XRRA1: variants seen among roughly 807,000 people sequenced by gnomAD.
XRRA1 encodes the protein X-ray radiation resistance-associated protein 1.
In XRRA1, 69 loss-of-function variants were observed where a neutral mutation model predicts 80.2. That is an observed-to-expected ratio of 0.86 (90% CI 0.71 to 1.05). The LOEUF is 1.05. Ranked by LOEUF, XRRA1 falls within the 50% of genes least tolerant of loss-of-function variation. The pLI is 0.00. For synonymous variants in XRRA1, 348 were observed against 389.9 expected, an observed-to-expected ratio of 0.89 and a Z score of 1.27; for missense variants, 967 against 976.4, an observed-to-expected ratio of 0.99 and a Z score of 0.13.
At chr11:74,922,278 A>AG (rs1941066027) in intron 7 of XRRA1, among the ~76,000 whole-genome samples, 1 of 150,284 alleles carries the variant, frequency 6.7e-6, no homozygotes, top group Non-Finnish European at 1.5e-5. Context: ...AAAAAAAAAA[A>AG]GACAAAAGAA....
intron 10 of XRRA1, among the ~76,000 whole-genome samples, chr11:74,877,327 C>T (rs374915140): frequency 3.9e-5 from 6 of 152,186 alleles, no homozygotes; most frequent in African/African-American, 1.4e-4. Flanking sequence ...TTTTATATTA[C>T]ACTTCTGGTA....
chr11:74,948,709 G>A lies in XRRA1; in HGVS notation c.-73+219C>T, dbSNP rs544942564. ...AGAGGATGGCTGGAAGTGCACATAG[G>A]ATACTGCCTGGCAGACTGTAGGCAC... is the stretch of plus-strand genomic sequence containing the variant. On this transcript the variant is annotated intron_variant, in intron 1 of 18. Transcript: ENST00000684022. 2.6e-5 allele frequency among the ~76,000 whole-genome samples: 4 copies of A among 152,294 alleles called. No individual in the cohort carries two copies. In the South Asian group the frequency reaches 6.2e-4, roughly 24 times the overall value.
chr11:74,864,167 T>G (rs986783375), intron 10 of XRRA1: 1 of 152,198 alleles, frequency 6.6e-6, no homozygotes, highest in South Asian at 2.1e-4. Context: ...TAGTATCCTC[T>G]GAGAAATTCA....
At chr11:74,849,207 T>C (rs909242001) in intron 14 of XRRA1, among the ~76,000 whole-genome samples, 1 of 152,142 alleles carries the variant, frequency 6.6e-6, no homozygotes, top group African/African-American at 2.4e-5. Flanking sequence ...ATCTGTACTT[T>C]TACTGAGAGA....
chr11:74,917,563 A>G (rs144488669), intron 8 of XRRA1, among the ~76,000 whole-genome samples: 11 of 152,318 alleles, frequency 7.2e-5, no homozygotes, highest in African/African-American at 2.6e-4. Flanking sequence ...TGATTTATCT[A>G]CTATACCAAT....
chr11:74,862,561 T>C (rs539620873), intron 11 of XRRA1, among the ~76,000 whole-genome samples: 58 of 152,388 alleles, frequency 3.8e-4, no homozygotes, highest in African/African-American at 1.4e-3. Context: ...CATCAACGAT[T>C]AGGTCCTGGA....
chr11:74,852,169 A>T, intron 12 of XRRA1, 87 bp from the exon 13 acceptor site: 1 of 1,112,088 alleles, frequency 9.0e-7, no homozygotes, highest in Non-Finnish European at 1.4e-6. Context: ...GCAGGGCTAC[A>T]TGCTTGCTAG....
chr11:74,874,651 A>G (rs1213346754), intron 10 of XRRA1, among the ~76,000 whole-genome samples: 3 of 152,358 alleles, frequency 2.0e-5, no homozygotes, highest in South Asian at 4.1e-4. Flanking sequence ...TGGCTAACAG[A>G]AAGCTGACTC....
intron 8 of XRRA1, chr11:74,913,511 C>T (rs760573940): frequency 1.3e-5 from 2 of 150,692 alleles, no homozygotes; most frequent in Admixed American, 6.6e-5. Flanking sequence ...AGCAAATCAA[C>T]CAAGCCCCTG....
chr11:74,867,031 C>T (rs536950972), intron 10 of XRRA1, among the ~76,000 whole-genome samples: 1 of 152,148 alleles, frequency 6.6e-6, no homozygotes, highest in Non-Finnish European at 1.5e-5. Flanking sequence ...CTTCCACTGC[C>T]ACTGCCAGCA....
chr11:74,908,956 G>A (rs2055249251), intron 8 of XRRA1, among the ~76,000 whole-genome samples: 1 of 152,206 alleles, frequency 6.6e-6, no homozygotes, highest in Non-Finnish European at 1.5e-5. Flanking sequence ...GTCACAGAGA[G>A]GAGGAGGTGT....
At chr11:74,946,852 C>T (rs995270188) in intron 1 of XRRA1, among the ~76,000 whole-genome samples, 5 of 152,078 alleles carry the variant, frequency 3.3e-5, no homozygotes, top group Middle Eastern at 6.8e-3. Flanking sequence ...CCCGGGCTCA[C>T]GCCATTCTCC....
At chr11:74,897,718 A>G (rs939829806) in intron 10 of XRRA1, among the ~76,000 whole-genome samples, 45 of 150,912 alleles carry the variant, frequency 3.0e-4, no homozygotes, top group African/African-American at 1.1e-3. Context: ...AAAAAAAAAA[A>G]AAAAGAAAAA....
intron 2 of XRRA1, among the ~76,000 whole-genome samples, chr11:74,943,527 GTGTGTGT>G (rs1946811780): frequency 1.6e-4 from 7 of 44,866 alleles, no homozygotes; most frequent in South Asian, 8.1e-4. Flanking sequence ...GTAGGAGGGT[GTGTGTGT>G]GTGTGTGTGT....
intron 10 of XRRA1, among the ~76,000 whole-genome samples, chr11:74,902,358 A>G (rs1367964799): frequency 6.6e-6 from 1 of 152,210 alleles, no homozygotes; most frequent in African/African-American, 2.4e-5. Flanking sequence ...ACAGTTTGGA[A>G]GTTCCTCACA....
chr11:74,939,843 TAGAGAGAG>T (rs34445753), intron 3 of XRRA1, among the ~76,000 whole-genome samples: 2 of 144,752 alleles, frequency 1.4e-5, no homozygotes. Context: ...GAGAGTGACA[TAGAGAGAG>T]AGAGAGAGAG....
chr11:74,846,919 ATT>A (rs750070156), intron 15 of XRRA1, among the ~76,000 whole-genome samples: 1 of 140,336 alleles, frequency 7.1e-6, no homozygotes, highest in African/African-American at 2.6e-5. Context: ...AAAAAAAAAG[ATT>A]TTTTTTTTTT....
chr11:74,907,140 T>C lies in XRRA1; in HGVS notation c.785+5A>G, dbSNP rs778337988. ...GGCCCAGCAGAGAAAGGCTTATGGC[T>C]TTACCTCCTGAGCCCAGCCAGGCTG... On this transcript the variant is annotated splice_donor_5th_base_variant and intron_variant, in intron 9 of 18. Transcript: ENST00000684022. The C allele has an allele frequency of 2.5e-6, 4 of 1,613,362 alleles. No homozygotes were observed. In the East Asian group the frequency reaches 8.9e-5, roughly 36 times the overall value.
rs1385367838 is a variant in XRRA1 at position 74,845,061 on chromosome 11, G to A, written c.1927+12C>T. On this transcript the variant is annotated intron_variant, in intron 16 of 18. Transcript: ENST00000684022. ...GCCTCTTGCCCTAGAGCAAGGATATGCCCTCACATACCCTTTGGCTCAATG... is the reference window on the plus strand; with the variant it reads ...GCCTCTTGCCCTAGAGCAAGGATATACCCTCACATACCCTTTGGCTCAATG... 1 of 1,612,326 alleles carries A rather than the reference G, an allele frequency of 6.2e-7. No homozygotes were observed. Among genetic ancestry groups the A allele is most frequent in the Non-Finnish European group, 8.5e-7 (1 of 1,179,470 alleles).
Sources: gnomAD v4.1 joint callset for allele counts (sites outside exome capture counted in the v4.1 genomes callset) on GRCh38, gnomAD v4.1.1 for gene constraint, MANE v1.5 for transcripts, NCBI Gene and HGNC (gene_info 2026-07-23, HGNC 2026-07-21) for gene names.